The following HSBP1 variants were observed in gnomAD, a reference collection of about 807,000 sequenced individuals.
The protein encoded by HSBP1 is heat shock factor-binding protein 1.
Under a neutral mutation model 9.6 loss-of-function variants are expected in HSBP1, and 5 were observed. That is an observed-to-expected ratio of 0.52 (90% CI 0.27 to 1.09). The LOEUF (loss-of-function observed/expected upper bound fraction) is 1.09, where lower values mean the gene tolerates loss of function less well. Ranked by LOEUF, HSBP1 falls within the 50% of genes least tolerant of loss-of-function variation. The probability of loss-of-function intolerance (pLI) is 0.11; values close to 1 mark genes in which losing one functional copy is unlikely to be tolerated. For missense variants in HSBP1, 121 were observed against 96.3 expected (o/e 1.26, Z -1.07); for synonymous variants, 42 against 33.3 (o/e 1.26, Z -0.90).
At chr16:83,810,315 G>C (rs1904571246) in intron 3 of HSBP1, among the ~76,000 whole-genome samples, 1 of 151,970 alleles carries the variant, frequency 6.6e-6, no homozygotes, top group Non-Finnish European at 1.5e-5. Context: ...CAGCAAGATA[G>C]GTAAATGTAC....
In HSBP1 at chr16:83,816,383, G is replaced by C. The variant is rs1904721356; in HGVS notation, c.*4965G>C. The C allele has an allele frequency of 6.6e-6, 1 of 152,154 alleles. No homozygotes were observed. Among genetic ancestry groups the C allele is most frequent in the Non-Finnish European group, 1.5e-5 (1 of 68,060 alleles). 9.4% of individuals were successfully genotyped at this position (152,154 alleles called of 1,614,324 possible). On this transcript the variant is annotated 3_prime_UTR_variant, in exon 4 of 4. Transcript: ENST00000433866. The stretch of plus-strand genomic sequence containing the variant: ...CCACTGCACTCCAGCCTGGGTAACA[G>C]AGCGAGACTCCATCTCAAAAAATAA...
rs40008 is a variant in HSBP1 at position 83,819,180 on chromosome 16, C to G, written c.*7762C>G. 77,609 of 151,746 alleles carry G rather than the reference C, an allele frequency of 0.51. 20,934 individuals carry two copies. The highest frequency in any genetic ancestry group is 0.61 in the Non-Finnish European group (41,203 of 67,896). 9.4% of individuals were successfully genotyped at this position (151,746 alleles called of 1,614,324 possible). A position where few individuals can be genotyped will look rare whatever the true frequency, so the allele number is the denominator to read the frequency against. On this transcript the variant is annotated 3_prime_UTR_variant, in exon 4 of 4. Coordinates refer to ENST00000433866, the MANE Select transcript of HSBP1 (RefSeq NM_001537.4). ...CTAAACCAAGAAGCCCCATGGGGCA[C>G]TGATTAGCATGCAGGTCCCCAGGCC...
rs1904704024 is a variant in HSBP1 at position 83,815,669 on chromosome 16, T to C, written c.*4251T>C. On this transcript the variant is annotated 3_prime_UTR_variant, in exon 4 of 4. Transcript: ENST00000433866. ...TGTGGGATCCCTGAGAATGATGAAATGTAATATGTGGCTGTCTCATCAACA... is the reference window on the plus strand; with the variant it reads ...TGTGGGATCCCTGAGAATGATGAAACGTAATATGTGGCTGTCTCATCAACA... 6.6e-6 allele frequency: 1 copy of C among 152,136 alleles called. No homozygotes were observed. The highest frequency in any genetic ancestry group is 6.5e-5 in the Admixed American group (1 of 15,276). 9.4% of individuals were successfully genotyped at this position (152,136 alleles called of 1,614,324 possible).
At chr16:83,810,523 A>G (rs897956773) in intron 3 of HSBP1, among the ~76,000 whole-genome samples, 1 of 145,528 alleles carries the variant, frequency 6.9e-6, no homozygotes, top group South Asian at 2.2e-4. Context: ...CTCTGTCTCA[A>G]AAAAAAAAAA....
intron 2 of HSBP1, 171 bp from the exon 3 acceptor site, chr16:83,809,134 G>T (rs1242564220): frequency 3.5e-6 from 2 of 571,120 alleles, no homozygotes; most frequent in African/African-American, 1.9e-5. Context: ...TCCGATGCGG[G>T]GTAGCCATGC....
Position 83,808,675 on chromosome 16 carries a change from C to A in HSBP1, c.46-5C>A. On this transcript the variant is annotated splice_polypyrimidine_tract_variant and splice_region_variant and intron_variant, in intron 1 of 3. Transcript: ENST00000433866. ...ACCGTGTTTGTTTGTTTCGGTTTTTCTTAGGTGCAGACACTCCTGCAGCAG... is the reference window on the plus strand; with the variant it reads ...ACCGTGTTTGTTTGTTTCGGTTTTTATTAGGTGCAGACACTCCTGCAGCAG... The A allele has an allele frequency of 6.2e-7, 1 of 1,609,136 alleles. No homozygotes were observed. The highest frequency in any genetic ancestry group is 8.5e-7 in the Non-Finnish European group (1 of 1,176,370).
intron 3 of HSBP1, among the ~76,000 whole-genome samples, chr16:83,810,586 T>A (rs1904579220): frequency 7.0e-6 from 1 of 143,478 alleles, no homozygotes; most frequent in Admixed American, 7.1e-5. Context: ...TCCCAGCACT[T>A]TGGGAGGCAA....
In HSBP1 at chr16:83,816,863, A is replaced by G. The variant is rs1904733276; in HGVS notation, c.*5445A>G. 2 of 152,226 alleles carry G rather than the reference A, an allele frequency of 1.3e-5. No homozygotes were observed. Among genetic ancestry groups the G allele is most frequent in the South Asian group, 4.1e-4 (2 of 4,826 alleles). The allele number at this position is 152,226 out of a possible 1,614,324, so 9.4% of individuals were successfully genotyped here. On this transcript the variant is annotated 3_prime_UTR_variant, in exon 4 of 4. Transcript: ENST00000433866. ...TCAGAGGTGGAGACATAAGAGAACA[A>G]TACCAGGGTTCCATCAGAAAGGAAA...
intron 2 of HSBP1, 103 bp from the exon 3 acceptor site, chr16:83,809,202 G>T: frequency 1.4e-6 from 1 of 724,070 alleles, no homozygotes; most frequent in Non-Finnish European, 2.4e-6. Flanking sequence ...AAAATTGGAA[G>T]ACCAGTTTCC....
chr16:83,816,368 C>T lies in HSBP1; in HGVS notation c.*4950C>T, dbSNP rs927559436. 6.6e-6 allele frequency: 1 copy of T among 151,978 alleles called. No homozygotes were observed. The highest frequency in any genetic ancestry group is 6.6e-5 in the Admixed American group (1 of 15,248). 9.4% of individuals were successfully genotyped at this position (151,978 alleles called of 1,614,324 possible). On this transcript the variant is annotated 3_prime_UTR_variant, in exon 4 of 4. Transcript: ENST00000433866. The stretch of plus-strand genomic sequence containing the variant: ...TGAGCCGAGATCGTGCCACTGCACT[C>T]CAGCCTGGGTAACAGAGCGAGACTC...
Position 83,815,148 on chromosome 16 carries a change from G to A in HSBP1, c.*3730G>A, listed in dbSNP as rs1243773164. 4 of 152,056 alleles carry A rather than the reference G, an allele frequency of 2.6e-5. No homozygotes were observed. The highest frequency in any genetic ancestry group is 9.7e-5 in the African/African-American group (4 of 41,400). 9.4% of individuals were successfully genotyped at this position (152,056 alleles called of 1,614,324 possible). On this transcript the variant is annotated 3_prime_UTR_variant, in exon 4 of 4. Transcript: ENST00000433866. ...TGCAGCCACTTGAGAACTTTTCAAT[G>A]AATGAAAATGAGGGAGGGGAGATGC... is the stretch of plus-strand genomic sequence containing the variant.
In HSBP1 at chr16:83,812,920, A is replaced by G. The variant is rs1387240081; in HGVS notation, c.*1502A>G. ...AGGCAGGAGTCGACCTCCTCAAGTA[A>G]TGGAACGATTTCAAAGGCAGGCTGC... On this transcript the variant is annotated 3_prime_UTR_variant, in exon 4 of 4. Coordinates refer to ENST00000433866, the MANE Select transcript of HSBP1 (RefSeq NM_001537.4). 2.0e-5 allele frequency: 3 copies of G among 152,258 alleles called. No individual in the cohort carries two copies. 9.4% of individuals were successfully genotyped at this position (152,258 alleles called of 1,614,324 possible).
In HSBP1 at chr16:83,811,779, A is replaced by C. The variant is rs929778956; in HGVS notation, c.*361A>C. 1.2e-4 allele frequency: 18 copies of C among 152,236 alleles called. No homozygotes were observed. The highest frequency in any genetic ancestry group is 1.0e-4 in the Non-Finnish European group (7 of 68,050). The allele number at this position is 152,236 out of a possible 1,614,324, so 9.4% of individuals were successfully genotyped here. ...TTGATGTGTGATTTTTTATTAAACA[A>C]ATAGTAAACCCTTCAATTATAGTTA... On this transcript the variant is annotated 3_prime_UTR_variant, in exon 4 of 4. Coordinates refer to ENST00000433866, the MANE Select transcript of HSBP1 (RefSeq NM_001537.4).
rs1904643619 is a variant in HSBP1, at chr16:83,813,307, A to C, written c.*1889A>C. On this transcript the variant is annotated 3_prime_UTR_variant, in exon 4 of 4. Coordinates refer to ENST00000433866, the MANE Select transcript of HSBP1 (RefSeq NM_001537.4). ...ATTCTGTGAACCTCATGAAGAAATT[A>C]GCATATTAAAGACTCTGAAAGTAGA... is the stretch of plus-strand genomic sequence containing the variant. 6.6e-6 allele frequency: 1 copy of C among 152,266 alleles called. No individual in the cohort carries two copies. Among genetic ancestry groups the C allele is most frequent in the South Asian group, 2.1e-4 (1 of 4,834 alleles). 9.4% of individuals were successfully genotyped at this position (152,266 alleles called of 1,614,324 possible).
At chr16:83,810,849 C>T (rs933609208) in intron 3 of HSBP1, among the ~76,000 whole-genome samples, 1 of 152,110 alleles carries the variant, frequency 6.6e-6, no homozygotes, top group Admixed American at 6.5e-5. Flanking sequence ...TTTTTAGATT[C>T]GTAGAGTACT....
Position 83,809,378 on chromosome 16 carries a change from A to C in HSBP1, c.186A>C (p.Glu62Asp). The change falls in exon 3 of 4, where the codon GAA becomes GAC. Residue 62 changes from glutamate to aspartate, a missense_variant. Physicochemically the swap from Glu to Asp is conservative, Grantham distance 45. Transcript: ENST00000433866. ...ACCTCATGACACAGGCTGGGGTGGAAGAACTGGAAAGTGAAAACAAGATAC... is the reference window on the plus strand; with the variant it reads ...ACCTCATGACACAGGCTGGGGTGGACGAACTGGAAAGTGAAAACAAGATAC... ...IADLMTQAGV[E>D]ELESENKIPA... 1.2e-6 allele frequency: 2 copies of C among 1,605,430 alleles called. No homozygotes were observed. The highest frequency in any genetic ancestry group is 1.7e-6 in the Non-Finnish European group (2 of 1,175,856).
chr16:83,810,783 T>A (rs1196667467), intron 3 of HSBP1, among the ~76,000 whole-genome samples: 3 of 152,136 alleles, frequency 2.0e-5, no homozygotes, highest in Admixed American at 2.0e-4. Flanking sequence ...CACTCCAGCC[T>A]GGGAGACAGA....
rs1360607732 is a variant in HSBP1 at position 83,811,810 on chromosome 16, G to C, written c.*392G>C. 1 of 152,116 alleles carries C rather than the reference G, an allele frequency of 6.6e-6. No individual in the cohort carries two copies. Among genetic ancestry groups the C allele is most frequent in the Admixed American group, 6.5e-5 (1 of 15,278 alleles). 9.4% of individuals were successfully genotyped at this position (152,116 alleles called of 1,614,324 possible). Reference sequence around the variant, plus strand: ...AAACCCTTCAATTATAGTTAGTCTTGGTGAAGTAAGATGTTTGTAGACTTT... The same window carrying C: ...AAACCCTTCAATTATAGTTAGTCTTCGTGAAGTAAGATGTTTGTAGACTTT... On this transcript the variant is annotated 3_prime_UTR_variant, in exon 4 of 4. Transcript: ENST00000433866.
chr16:83,816,884 G>C lies in HSBP1; in HGVS notation c.*5466G>C, dbSNP rs1172603458. On this transcript the variant is annotated 3_prime_UTR_variant, in exon 4 of 4. Transcript: ENST00000433866. ...AACAATACCAGGGTTCCATCAGAAA[G>C]GAAATCAGAATGGCTATCGGGTGGA... 3 of 152,248 alleles carry C rather than the reference G, an allele frequency of 2.0e-5. No homozygotes were observed. Among genetic ancestry groups the C allele is most frequent in the Non-Finnish European group, 4.4e-5 (3 of 68,062 alleles). 9.4% of individuals were successfully genotyped at this position (152,248 alleles called of 1,614,324 possible). A position where few individuals can be genotyped will look rare whatever the true frequency, so the allele number is the denominator to read the frequency against.
Sources: allele counts gnomAD v4.1 joint callset (sites outside exome capture counted in the v4.1 genomes callset), GRCh38; gene constraint gnomAD v4.1.1; transcripts MANE v1.5; gene names NCBI Gene and HGNC (gene_info 2026-07-23, HGNC 2026-07-21).